Variants in SRCIN1 observed in about 807,000 individuals in gnomAD.
The protein encoded by SRCIN1 is P130Cas-associated protein.
In SRCIN1, 50 loss-of-function variants were observed where a neutral mutation model predicts 116.2. The ratio of observed to expected loss-of-function variants is 0.43; its 90% CI spans 0.34 to 0.54. The LOEUF is 0.54. SRCIN1 is among the 20% of genes least tolerant of loss of function. The pLI, the probability that SRCIN1 is intolerant of heterozygous loss-of-function variation, is 0.02. For synonymous variants in SRCIN1, 736 were observed against 750.0 expected (o/e 0.98, Z 0.30); for missense variants, 1,446 against 1,672.0 (o/e 0.86, Z 2.36).
chr17:38,593,922 C>G (rs1262488504), intron 1 of SRCIN1, among the ~76,000 whole-genome samples: 1 of 152,234 alleles, frequency 6.6e-6, no homozygotes, highest in Admixed American at 6.5e-5. Context: ...AAAACCCATC[C>G]ACATCTTATT....
Position 38,558,536 on chromosome 17 carries a change from C to T in SRCIN1, c.2026-134G>A. The T allele has an allele frequency of 5.8e-6, 6 of 1,036,262 alleles. No individual in the cohort carries two copies. Among genetic ancestry groups the T allele is most frequent in the Non-Finnish European group, 6.8e-6 (5 of 738,396 alleles). 64.2% of individuals were successfully genotyped at this position (1,036,262 alleles called of 1,614,324 possible). ...TGCAGAAGAAGCGGCTGCTTGGCTCCGCCTCAGGCAGCAGCGAAGGGGTGG... is the reference window on the plus strand; with the variant it reads ...TGCAGAAGAAGCGGCTGCTTGGCTCTGCCTCAGGCAGCAGCGAAGGGGTGG... On this transcript the variant is annotated intron_variant, in intron 10 of 18. Transcript: ENST00000617146. This position sits in a 1 kb window ranked among gnomAD's most constrained non-coding sequence, Gnocchi z 4.6.
chr17:38,561,408 T>A, intron 7 of SRCIN1, 55 bp downstream of exon 7: 3 of 1,440,032 alleles, frequency 2.1e-6, no homozygotes, highest in Non-Finnish European at 2.7e-6. Flanking sequence ...CTGTGAACCC[T>A]CTCCGCAGCG....
chr17:38,588,328 A>C (rs908952236), intron 1 of SRCIN1, among the ~76,000 whole-genome samples: 1 of 152,242 alleles, frequency 6.6e-6, no homozygotes. Context: ...TGTCACCCCC[A>C]GTCTGAAGCT....
At chr17:38,575,020 G>C (rs1567874277) in intron 2 of SRCIN1, 1 of 400,330 alleles carries the variant, frequency 2.5e-6, no homozygotes, top group African/African-American at 2.1e-5. Flanking sequence ...AAGCGGGCAG[G>C]AGCCGCTGGG....
chr17:38,587,269 C>T (rs923295603), intron 1 of SRCIN1, among the ~76,000 whole-genome samples: 1 of 152,144 alleles, frequency 6.6e-6, no homozygotes, highest in African/African-American at 2.4e-5. Context: ...TCGGTGCCAC[C>T]TCCACCAACT....
At chr17:38,556,040 A>C (rs1291297396) in intron 11 of SRCIN1, among the ~76,000 whole-genome samples, 2 of 152,210 alleles carry the variant, frequency 1.3e-5, no homozygotes, top group Admixed American at 6.5e-5. Context: ...TAACCTGGGC[A>C]AGCTCTGCAA....
Position 38,581,642 on chromosome 17 carries a change from C to T in SRCIN1, c.23-2851G>A, listed in dbSNP as rs367867639. 4.6e-5 allele frequency among the ~76,000 whole-genome samples: 7 copies of T among 151,984 alleles called. No homozygotes were observed. The South Asian group carries it at 1.5e-3, about 32-fold the overall frequency. On this transcript the variant is annotated intron_variant, in intron 1 of 18. Coordinates refer to ENST00000617146, the MANE Select transcript of SRCIN1 (RefSeq NM_025248.3). ...AACAAAAACGTATATTGCATTAGTA[C>T]AGTACAAAAGGTTTCCTGATATGAT... is the stretch of plus-strand genomic sequence containing the variant.
chr17:38,552,969 A>T lies in SRCIN1; in HGVS notation c.2202-114T>A. 6.7e-7 allele frequency: 1 copy of T among 1,495,040 alleles called. No individual in the cohort carries two copies. Among genetic ancestry groups the T allele is most frequent in the Non-Finnish European group, 9.0e-7 (1 of 1,117,294 alleles). 92.6% of individuals were successfully genotyped at this position (1,495,040 alleles called of 1,614,324 possible). A position where few individuals can be genotyped will look rare whatever the true frequency, so the allele number is the denominator to read the frequency against. ...CACCAGTTGGATCGAAAGTAAAAGC[A>T]GGAGGCTGGGCACCGTGGCTCACGC... On this transcript the variant is annotated intron_variant, in intron 11 of 18. Coordinates refer to ENST00000617146, the MANE Select transcript of SRCIN1 (RefSeq NM_025248.3). This position sits in a 1 kb window ranked among gnomAD's most constrained non-coding sequence, Gnocchi z 5.3.
At chr17:38,533,484 G>A (rs2040954441) in intron 18 of SRCIN1, 53 bp from the exon 19 acceptor site, 6 of 1,514,558 alleles carry the variant, frequency 4.0e-6, no homozygotes, top group South Asian at 1.2e-5. Context: ...GCGCCTCCAT[G>A]CTGGCCCCCA....
At chr17:38,560,284 C>T in intron 8 of SRCIN1, 49 bp downstream of exon 8, 2 of 1,553,806 alleles carry the variant, frequency 1.3e-6, no homozygotes, top group Non-Finnish European at 1.7e-6. Flanking sequence ...TCCCCTTCCT[C>T]CTGCTCCACC....
chr17:38,579,434 A>G (rs892380504), intron 1 of SRCIN1, among the ~76,000 whole-genome samples: 1 of 152,128 alleles, frequency 6.6e-6, no homozygotes, highest in Non-Finnish European at 1.5e-5. Context: ...GGGCAGTGGG[A>G]CCCCTTTTCC....
At chr17:38,554,335 T>C (rs2143125317) in intron 11 of SRCIN1, among the ~76,000 whole-genome samples, 1 of 152,320 alleles carries the variant, frequency 6.6e-6, no homozygotes, top group Non-Finnish European at 1.5e-5. Context: ...TCCGTGCTGC[T>C]GTAACCCTCA....
rs776871495 is a variant in SRCIN1 at position 38,548,729 on chromosome 17, T to C, written c.3118-20A>G. On this transcript the variant is annotated intron_variant, in intron 16 of 18. Coordinates refer to ENST00000617146, the MANE Select transcript of SRCIN1 (RefSeq NM_025248.3). ...AGCCTTCTGCAAGGCCCGGGACTCC[T>C]GTCAAGGCCAGGCTCTGCCCCACTT... 6.4e-7 allele frequency: 1 copy of C among 1,567,224 alleles called. No individual in the cohort carries two copies. The highest frequency in any genetic ancestry group is 8.6e-7 in the Non-Finnish European group (1 of 1,160,158).
chr17:38,579,696 C>T (rs1007932060), intron 1 of SRCIN1, among the ~76,000 whole-genome samples: 9 of 152,078 alleles, frequency 5.9e-5, no homozygotes, highest in Admixed American at 2.6e-4. Flanking sequence ...AAGAGAAGGC[C>T]GGGGGTTGAG....
At chr17:38,536,618 C>G (rs1033116555) in intron 18 of SRCIN1, among the ~76,000 whole-genome samples, 2 of 152,230 alleles carry the variant, frequency 1.3e-5, no homozygotes, top group African/African-American at 4.8e-5. Flanking sequence ...TCTACAGACC[C>G]CGCTGACTCC....
chr17:38,562,314 G>C lies in SRCIN1; in HGVS notation c.849C>G (p.Tyr283Ter). Residue 283 changes from tyrosine (Y) to a stop codon, truncating the protein, a stop_gained, in exon 7 of 19, where the codon TAC (tyrosine) becomes TAG (stop). Transcript: ENST00000617146. LOFTEE classifies it high-confidence loss of function. The surrounding 1 kb of genome is among the most constrained non-coding windows in gnomAD (Gnocchi z 4.2). ...GCGTGGGCGAGGACTCCCGCGATGC[G>C]TACACCATCTCTCTCTGCGCAGAAG... is the stretch of plus-strand genomic sequence containing the variant. ...TNGDLRREMV[Y>*]ASRESSPTRR... 6.8e-7 allele frequency: 1 copy of C among 1,475,990 alleles called. No individual in the cohort carries two copies. The highest frequency in any genetic ancestry group is 8.9e-7 in the Non-Finnish European group (1 of 1,122,418). 91.4% of individuals were successfully genotyped at this position (1,475,990 alleles called of 1,614,324 possible).
Position 38,532,940 on chromosome 17 carries a change from A to T in SRCIN1, c.*357T>A. The T allele has an allele frequency of 5.9e-6, 1 of 169,116 alleles. No homozygotes were observed. The highest frequency in any genetic ancestry group is 1.3e-5 in the Non-Finnish European group (1 of 79,826). The allele number at this position is 169,116 out of a possible 1,614,324, so 10.5% of individuals were successfully genotyped here. Reference sequence around the variant, plus strand: ...TGAGGGGAAGGCGGGAAGGGGGTGCAGGAGCTTCAGGATGGACTGGGGGAA... The same window carrying T: ...TGAGGGGAAGGCGGGAAGGGGGTGCTGGAGCTTCAGGATGGACTGGGGGAA... On this transcript the variant is annotated 3_prime_UTR_variant, in exon 19 of 19. Coordinates refer to ENST00000617146, the MANE Select transcript of SRCIN1 (RefSeq NM_025248.3). The surrounding 1 kb of genome is among the most constrained non-coding windows in gnomAD (Gnocchi z 4.3).
At chr17:38,541,022 G>A (rs962728414) in intron 18 of SRCIN1, among the ~76,000 whole-genome samples, 2 of 151,904 alleles carry the variant, frequency 1.3e-5, no homozygotes, top group African/African-American at 4.8e-5. Flanking sequence ...GGTGGATCAC[G>A]AGGTCAGGAG....
intron 1 of SRCIN1, among the ~76,000 whole-genome samples, chr17:38,597,064 T>C (rs529070587): frequency 4.9e-4 from 75 of 152,262 alleles, no homozygotes; most frequent in African/African-American, 1.7e-3. Flanking sequence ...GACCCATCCA[T>C]ACCCACAACA....
Sources: allele counts gnomAD v4.1 joint callset (sites outside exome capture counted in the v4.1 genomes callset), GRCh38; gene constraint gnomAD v4.1.1; non-coding constraint Gnocchi (gnomAD v3.1); transcripts MANE v1.5; gene names NCBI Gene and HGNC (gene_info 2026-07-23, HGNC 2026-07-21).